The following SLC37A1 variants were observed in gnomAD, a reference collection of about 807,000 sequenced individuals.
SLC37A1 encodes the protein glucose-6-phosphate exchanger SLC37A1.
A neutral mutation model predicts 75.3 loss-of-function variants in SLC37A1; 49 were observed. The ratio of observed to expected loss-of-function variants is 0.65; its 90% confidence interval spans 0.52 to 0.83. The LOEUF (loss-of-function observed/expected upper bound fraction) is 0.83, where lower values mean the gene tolerates loss of function less well. SLC37A1 is among the 40% of genes least tolerant of loss of function. The probability of loss-of-function intolerance (pLI) is 0.00; values close to 1 mark genes in which losing one functional copy is unlikely to be tolerated. For synonymous variants in SLC37A1, 268 were observed against 292.1 expected (o/e 0.92, Z 0.84); for missense variants, 566 against 695.0 (o/e 0.81, Z 2.09).
chr21:42,512,995 C>T (rs1191891230), upstream of SLC37A1, among the ~76,000 whole-genome samples: 2 of 152,118 alleles, frequency 1.3e-5, no homozygotes, highest in African/African-American at 4.8e-5. Flanking sequence ...TACAGCCAGG[C>T]CTCGGGTTGG....
upstream of SLC37A1, among the ~76,000 whole-genome samples, chr21:42,511,072 A>C (rs1299720518): frequency 6.6e-6 from 1 of 152,246 alleles, no homozygotes; most frequent in African/African-American, 2.4e-5. Context: ...ATTCTCTAGG[A>C]TAGATCATAT....
chr21:42,511,454 G>A (rs184154062), upstream of SLC37A1, among the ~76,000 whole-genome samples: 4 of 152,268 alleles, frequency 2.6e-5, no homozygotes, highest in South Asian at 2.1e-4. Flanking sequence ...GGATGAACCC[G>A]GAGTACATTA....
intron 5 of SLC37A1, among the ~76,000 whole-genome samples, chr21:42,538,169 G>C (rs1241450224): frequency 6.6e-6 from 1 of 152,212 alleles, no homozygotes; most frequent in Non-Finnish European, 1.5e-5. Context: ...TGTGCCAGCT[G>C]TGCTGTGACC....
At chr21:42,522,617 C>T (rs1406279339) in intron 2 of SLC37A1, among the ~76,000 whole-genome samples, 7 of 152,202 alleles carry the variant, frequency 4.6e-5, no homozygotes, top group Admixed American at 1.3e-4. Context: ...AGAGGAAAGA[C>T]GAATTTGGAA....
At chr21:42,575,848 C>G (rs1482170878) in intron 18 of SLC37A1, 1 of 985,162 alleles carries the variant, frequency 1.0e-6, no homozygotes, top group Non-Finnish European at 1.2e-6. Flanking sequence ...GTTTAAATGG[C>G]TGTTCTTTGG....
At chr21:42,534,638 A>G in intron 3 of SLC37A1, 60 bp from the exon 4 acceptor site, 2 of 1,567,826 alleles carry the variant, frequency 1.3e-6, no homozygotes, top group East Asian at 2.3e-5. Flanking sequence ...TCTGTGCCCC[A>G]TGCTGAGCCT....
intron 17 of SLC37A1, among the ~76,000 whole-genome samples, 166 bp from the exon 18 acceptor site, chr21:42,574,652 G>C (rs1365104229): frequency 6.6e-6 from 1 of 152,170 alleles, no homozygotes; most frequent in African/African-American, 2.4e-5. Flanking sequence ...ACCTATACTA[G>C]GCCTTGTACC....
At chr21:42,549,093 TCA>T (rs934017484) in intron 9 of SLC37A1, among the ~76,000 whole-genome samples, 2 of 152,240 alleles carry the variant, frequency 1.3e-5, no homozygotes, top group African/African-American at 4.8e-5. Context: ...AGCATGAATT[TCA>T]GTTTCCAAGC....
At chr21:42,553,813 A>AAT in intron 9 of SLC37A1, among the ~76,000 whole-genome samples, 1 of 152,322 alleles carries the variant, frequency 6.6e-6, no homozygotes, top group East Asian at 1.9e-4. Context: ...AAGTTGGCTT[A>AAT]ATGGGTATTT....
rs1601691414 is a variant in SLC37A1 at position 42,531,140 on chromosome 21, T to A, written c.139-3558T>A. 2.6e-5 allele frequency among the ~76,000 whole-genome samples: 4 copies of A among 151,894 alleles called. No individual in the cohort carries two copies. In the South Asian group the frequency reaches 8.3e-4, roughly 32 times the overall value. On this transcript the variant is annotated intron_variant, in intron 3 of 19. Transcript: ENST00000352133. ...GGGAGGGCTGGATGTGGCGAGGGAG[T>A]CTGTAGACAGAAGACATTGCCAGCT...
chr21:42,499,755 T>A (rs147381594), intron 1 of SLC37A1: 8 of 152,386 alleles, frequency 5.2e-5, no homozygotes, highest in South Asian at 2.1e-4. Context: ...TAAGAAATGA[T>A]CTTCTTGTCC....
At chr21:42,546,526 A>T (rs1033141140) in intron 8 of SLC37A1, among the ~76,000 whole-genome samples, 1 of 152,140 alleles carries the variant, frequency 6.6e-6, no homozygotes, top group African/African-American at 2.4e-5. Flanking sequence ...CAGCGTCCGC[A>T]TGCTCTGCTT....
chr21:42,567,470 G>T (rs1183108771), intron 16 of SLC37A1, among the ~76,000 whole-genome samples: 1 of 152,192 alleles, frequency 6.6e-6, no homozygotes, highest in African/African-American at 2.4e-5. Context: ...TCCTGAAACT[G>T]CCTGAGTGTG....
Position 42,525,835 on chromosome 21 carries a change from G to A in SLC37A1, c.116G>A (p.Arg39Gln), listed in dbSNP as rs771532998. 7 of 1,613,648 alleles carry A rather than the reference G, an allele frequency of 4.3e-6. No individual in the cohort carries two copies. Among genetic ancestry groups the A allele is most frequent in the Non-Finnish European group, 5.1e-6 (6 of 1,179,848 alleles). ...FLLYASFHLS[R>Q]KPISIVKGEL... is the part of the protein sequence containing the mutation. ...CTGTATGCAAGTTTTCACTTATCTC[G>A]AAAGCCTATCAGCATAGTTAAGGTA... Residue 39 changes from arginine to glutamine, a missense_variant, in exon 3 of 20, where the codon CGA becomes CAA. Arg to Gln is a conservative substitution (Grantham distance 43). Transcript: ENST00000352133.
intron 2 of SLC37A1, among the ~76,000 whole-genome samples, chr21:42,508,266 T>C (rs2054403404): frequency 6.6e-6 from 1 of 151,882 alleles, no homozygotes; most frequent in African/African-American, 2.4e-5. Context: ...GTAGCTATGA[T>C]TACAGGTGCC....
rs534231098 is a variant in SLC37A1 at position 42,563,346 on chromosome 21, C to G, written c.1073-469C>G. 1.1e-4 allele frequency among the ~76,000 whole-genome samples: 16 copies of G among 152,326 alleles called. No homozygotes were observed. The South Asian group carries it at 2.3e-3, about 22-fold the overall frequency. Reference sequence around the variant, plus strand: ...TGGGTTTGACCCACAGCCCCAGATGCCGTGCAGTTTCCTCTCCCACACCCG... The same window carrying G: ...TGGGTTTGACCCACAGCCCCAGATGGCGTGCAGTTTCCTCTCCCACACCCG... On this transcript the variant is annotated intron_variant, in intron 12 of 19. Transcript: ENST00000352133.
intron 13 of SLC37A1, among the ~76,000 whole-genome samples, chr21:42,564,256 T>C (rs1601756990): frequency 7.8e-6 from 1 of 128,274 alleles, no homozygotes; most frequent in South Asian, 2.4e-4. Context: ...CTGGGTGTGG[T>C]GGCTCGAGCC....
At position 42,572,663 on chromosome 21, in the gene SLC37A1, C is replaced by T; in HGVS notation, c.1424-2155C>T. On this transcript the variant is annotated intron_variant, in intron 17 of 19. Coordinates refer to ENST00000352133, the MANE Select transcript of SLC37A1 (RefSeq NM_001320537.2). Reference sequence around the variant, plus strand: ...TCATGTGAAATTGATAACAGGTTTTCAGCCACACACACACAAAAAAAAAAA... The same window carrying T: ...TCATGTGAAATTGATAACAGGTTTTTAGCCACACACACACAAAAAAAAAAA... 2.0e-5 allele frequency among the ~76,000 whole-genome samples: 2 copies of T among 101,428 alleles called. 1 individual carries two copies. The allele number at this position is 101,428 out of a possible 152,430, so 66.5% of individuals were successfully genotyped here. A position where few individuals can be genotyped will look rare whatever the true frequency, so the allele number is the denominator to read the frequency against.
At chr21:42,517,094 T>TAGGAGA (rs2054535027) in intron 1 of SLC37A1, among the ~76,000 whole-genome samples, 3 of 152,248 alleles carry the variant, frequency 2.0e-5, no homozygotes, top group Non-Finnish European at 4.4e-5. Flanking sequence ...GTCCCGGGCC[T>TAGGAGA]TCCTCTTTTG....
Sources: gnomAD v4.1 joint callset for allele counts (sites outside exome capture counted in the v4.1 genomes callset) on GRCh38, gnomAD v4.1.1 for gene constraint, MANE v1.5 for transcripts, NCBI Gene and HGNC (gene_info 2026-07-23, HGNC 2026-07-21) for gene names.